The following NCKAP5 variants were observed in gnomAD, a reference collection of about 807,000 sequenced individuals.
NCKAP5 encodes the protein NCK associated protein 5, also known as nck-associated protein 5.
In NCKAP5, 92 loss-of-function variants were observed where a neutral mutation model predicts 167.0. The ratio of observed to expected loss-of-function variants is 0.55; its 90% confidence interval spans 0.47 to 0.66. The LOEUF is 0.66. Ranked by LOEUF, NCKAP5 falls within the 30% of genes least tolerant of loss-of-function variation. The pLI is 0.00. For missense variants in NCKAP5, 2,378 were observed against 2,315.0 expected (o/e 1.03, Z -0.56); for synonymous variants, 891 against 877.4 (o/e 1.02, Z -0.27).
chr2:133,245,670 G>A (rs2087941505), intron 4 of NCKAP5, among the ~76,000 whole-genome samples: 1 of 151,848 alleles, frequency 6.6e-6, no homozygotes, highest in Non-Finnish European at 1.5e-5. Context: ...TATTTTCAAT[G>A]AACATACAAT....
At chr2:133,067,849 TG>T (rs543864166) in intron 6 of NCKAP5, among the ~76,000 whole-genome samples, 90 of 152,232 alleles carry the variant, frequency 5.9e-4, no homozygotes, top group African/African-American at 2.0e-3. Flanking sequence ...ATGAGGGGAA[TG>T]CTCTTGAAAT....
In NCKAP5 at chr2:133,208,451, C is replaced by G. The variant is rs111711198; in HGVS notation, c.207+5265G>C. Among the ~76,000 whole-genome samples, 94 of 152,142 alleles carry G rather than the reference C, an allele frequency of 6.2e-4. 1 individual carries two copies. The highest frequency in any genetic ancestry group is 5.9e-5 in the Non-Finnish European group (4 of 68,026). On this transcript the variant is annotated intron_variant, in intron 5 of 19. Transcript: ENST00000409261. ...TCCCAAAAATATACCCAAATCTAAT[C>G]GTCAGAAAAACATCAGACAAATCCC...
chr2:133,181,790 A>T (rs2084750137), intron 5 of NCKAP5, among the ~76,000 whole-genome samples: 1 of 152,030 alleles, frequency 6.6e-6, no homozygotes, highest in Admixed American at 6.5e-5. Flanking sequence ...AATAAGGATA[A>T]AAATGAAAAA....
At chr2:132,943,920 C>T (rs1454312114) in intron 8 of NCKAP5, among the ~76,000 whole-genome samples, 1 of 152,150 alleles carries the variant, frequency 6.6e-6, no homozygotes, top group African/African-American at 2.4e-5. Context: ...TGAAGTGTGA[C>T]CGCACACTTG....
At chr2:132,973,823 A>C (rs933495886) in intron 7 of NCKAP5, among the ~76,000 whole-genome samples, 1 of 152,202 alleles carries the variant, frequency 6.6e-6, no homozygotes, top group African/African-American at 2.4e-5. Context: ...AAGAAACAAA[A>C]GGCCAGTGAG....
At chr2:132,961,196 A>C (rs867065870) in intron 8 of NCKAP5, among the ~76,000 whole-genome samples, 61 of 152,156 alleles carry the variant, frequency 4.0e-4, no homozygotes, top group Middle Eastern at 3.4e-3. Flanking sequence ...ATAATGTTTA[A>C]CCCATGCAAA....
At chr2:133,627,659 G>A in the NCKAP5 span, among the ~76,000 whole-genome samples, 6 of 152,132 alleles carry the variant, frequency 3.9e-5, no homozygotes, top group South Asian at 2.1e-4. Context: ...TGTAGTGTGC[G>A]CTCTCTTTAG....
intron 5 of NCKAP5, among the ~76,000 whole-genome samples, chr2:133,167,102 C>T (rs1236749190): frequency 6.6e-6 from 1 of 152,210 alleles, no homozygotes; most frequent in Non-Finnish European, 1.5e-5. Context: ...TCCCCTACAA[C>T]TTCAGCTTCC....
intron 3 of NCKAP5, among the ~76,000 whole-genome samples, chr2:133,469,281 G>A (rs558852160): frequency 1.4e-4 from 21 of 151,774 alleles, no homozygotes; most frequent in African/African-American, 5.1e-4. Flanking sequence ...GCTTAGTTTG[G>A]CTGGATATGA....
In NCKAP5 at chr2:132,672,028, A is replaced by G. The variant is rs1468570001; in HGVS notation, c.*1261T>C. The stretch of plus-strand genomic sequence containing the variant: ...GGGCCTAGTTTACAAGCTCCTGTAC[A>G]TAAGTAATTATAAATAGTTCACATC... On this transcript the variant is annotated 3_prime_UTR_variant, in exon 20 of 20. Coordinates refer to ENST00000409261, the MANE Select transcript of NCKAP5 (RefSeq NM_207363.3). 2.0e-5 allele frequency: 3 copies of G among 152,674 alleles called. No individual in the cohort carries two copies. The highest frequency in any genetic ancestry group is 4.4e-5 in the Non-Finnish European group (3 of 68,042). The allele number at this position is 152,674 out of a possible 1,614,324, so 9.5% of individuals were successfully genotyped here.
chr2:132,904,548 C>T (rs1045086948), intron 8 of NCKAP5, among the ~76,000 whole-genome samples: 6 of 151,996 alleles, frequency 3.9e-5, no homozygotes, highest in South Asian at 2.1e-4. Context: ...TGGATGAAAG[C>T]CCTAGAACTT....
intron 6 of NCKAP5, among the ~76,000 whole-genome samples, chr2:133,064,980 A>G (rs1866189): frequency 0.033 from 5,096 of 152,248 alleles, 279 homozygotes; most frequent in African/African-American, 0.11. Context: ...TGTTCTAAGC[A>G]TTGGAAGTAA....
intron 4 of NCKAP5, among the ~76,000 whole-genome samples, chr2:133,278,298 A>T (rs1220919815): frequency 6.6e-6 from 1 of 152,214 alleles, no homozygotes; most frequent in East Asian, 1.9e-4. Flanking sequence ...AGATGTCAAG[A>T]GGACTGCATT....
chr2:132,935,638 G>C (rs1696784110), intron 8 of NCKAP5, among the ~76,000 whole-genome samples: 2 of 152,104 alleles, frequency 1.3e-5, no homozygotes, highest in Admixed American at 1.3e-4. Flanking sequence ...GGGGGTGGTG[G>C]GGGACTTTAC....
intron 16 of NCKAP5, among the ~76,000 whole-genome samples, chr2:132,748,633 T>G (rs1679849292): frequency 6.6e-6 from 1 of 152,182 alleles, no homozygotes; most frequent in Non-Finnish European, 1.5e-5. Context: ...GCAACAACTA[T>G]ACCCGTACCC....
intron 5 of NCKAP5, among the ~76,000 whole-genome samples, chr2:133,155,024 T>C (rs2083522295): frequency 6.6e-6 from 1 of 152,212 alleles, no homozygotes; most frequent in Non-Finnish European, 1.5e-5. Flanking sequence ...TTTGAACCAT[T>C]ATGCCTATGT....
chr2:132,756,476 CA>C (rs1680563204), intron 16 of NCKAP5, among the ~76,000 whole-genome samples: 1 of 152,034 alleles, frequency 6.6e-6, no homozygotes, highest in Non-Finnish European at 1.5e-5. Flanking sequence ...TGACAGAACC[CA>C]AAACTATGCT....
intron 4 of NCKAP5, among the ~76,000 whole-genome samples, chr2:133,246,804 C>T (rs1431775804): frequency 6.6e-6 from 1 of 152,148 alleles, no homozygotes; most frequent in Admixed American, 6.5e-5. Flanking sequence ...GCCCAAATAA[C>T]ATTAAATGAG....
At chr2:133,579,913 T>C in the NCKAP5 span, among the ~76,000 whole-genome samples, 1 of 152,198 alleles carries the variant, frequency 6.6e-6, no homozygotes, top group African/African-American at 2.4e-5. Context: ...ATTCCTTAAA[T>C]TTCCAGCAAA....
Sources: gnomAD v4.1 joint callset for allele counts (sites outside exome capture counted in the v4.1 genomes callset) on GRCh38, gnomAD v4.1.1 for gene constraint, MANE v1.5 for transcripts, NCBI Gene and HGNC (gene_info 2026-07-23, HGNC 2026-07-21) for gene names.